The following C12orf42 variants were observed in gnomAD, a reference collection of about 807,000 sequenced individuals.
C12orf42 encodes the protein uncharacterized protein C12orf42.
Under a neutral mutation model 21.6 loss-of-function variants are expected in C12orf42, and 25 were observed. The observed-to-expected ratio is 1.16, with a 90% CI of 0.84 to 1.62. The LOEUF (loss-of-function observed/expected upper bound fraction) is 1.62. Ranked by LOEUF, C12orf42 falls within the 40% of genes most tolerant of loss-of-function variation. The pLI is 0.00. For missense variants in C12orf42, 483 were observed against 459.3 expected, an observed-to-expected ratio of 1.05 and a Z score of -0.47; for synonymous variants, 174 against 175.0, an observed-to-expected ratio of 0.99 and a Z score of 0.05.
At chr12:103,154,062 A>C in the C12orf42 span, among the ~76,000 whole-genome samples, 2 of 147,104 alleles carry the variant, frequency 1.4e-5, no homozygotes, top group Non-Finnish European at 3.0e-5. Context: ...AATGTGGAGG[A>C]AAGAAGCCAG....
the C12orf42 span, among the ~76,000 whole-genome samples, chr12:103,075,132 T>G: frequency 6.6e-6 from 1 of 152,106 alleles, no homozygotes; most frequent in African/African-American, 2.4e-5. Flanking sequence ...GAAAAGGATC[T>G]GAAGCATTAT....
chr12:103,507,049 A>T, the C12orf42 span, among the ~76,000 whole-genome samples: 13 of 8,886 alleles, frequency 1.5e-3, no homozygotes, highest in African/African-American at 9.9e-3. Context: ...TATTTATATA[A>T]AATATATATA....
chr12:103,236,257 G>A (rs543369461), downstream of C12orf42, among the ~76,000 whole-genome samples: 21 of 152,232 alleles, frequency 1.4e-4, no homozygotes, highest in South Asian at 2.1e-4. Context: ...ATGCTTAAGC[G>A]TAAAACTGAG....
At chr12:103,522,857 A>C in the C12orf42 span, among the ~76,000 whole-genome samples, 1 of 152,240 alleles carries the variant, frequency 6.6e-6, no homozygotes, top group Non-Finnish European at 1.5e-5. Flanking sequence ...TGATGGCAGA[A>C]GAAATTACAC....
chr12:103,146,072 A>G, the C12orf42 span, among the ~76,000 whole-genome samples: 4 of 152,132 alleles, frequency 2.6e-5, no homozygotes, highest in African/African-American at 9.7e-5. Flanking sequence ...TTATGCTTTT[A>G]CTTGTGTTTT....
chr12:103,086,574 A>G, the C12orf42 span, among the ~76,000 whole-genome samples: 1 of 150,548 alleles, frequency 6.6e-6, no homozygotes, highest in Non-Finnish European at 1.5e-5. Context: ...TGAAGTTTTG[A>G]GGGATTGACT....
At chr12:103,458,525 A>G (rs929494811) in intron 2 of C12orf42, among the ~76,000 whole-genome samples, 6 of 152,162 alleles carry the variant, frequency 3.9e-5, no homozygotes, top group African/African-American at 1.2e-4. Flanking sequence ...AGATAAAAAT[A>G]TCTACCTGAA....
At chr12:103,225,068 T>G in the C12orf42 span, among the ~76,000 whole-genome samples, 5 of 152,118 alleles carry the variant, frequency 3.3e-5, no homozygotes, top group Admixed American at 6.5e-5. Context: ...CTAGGTAATT[T>G]GCTGAGCCTA....
intron 5 of C12orf42, among the ~76,000 whole-genome samples, chr12:103,275,573 A>C (rs2035716933): frequency 6.6e-6 from 1 of 152,154 alleles, no homozygotes; most frequent in Non-Finnish European, 1.5e-5. Context: ...AAAGCAGCCC[A>C]ATTCCTTTTA....
rs112187254 is a variant in C12orf42 at position 103,382,204 on chromosome 12, A to G, written c.148-13206T>C. 7.5e-3 allele frequency among the ~76,000 whole-genome samples: 1,142 copies of G among 152,256 alleles called. 14 individuals are homozygous for G. The highest frequency in any genetic ancestry group is 0.026 in the African/African-American group (1,068 of 41,534). ...TTTTCTATCCTCATGAAAAATTAGT[A>G]ATTCTCTTTCTACTTTGGCCAAATG... On this transcript the variant is annotated intron_variant, in intron 3 of 5. Transcript: ENST00000548883.
At chr12:103,393,727 C>T (rs1439505216) in intron 3 of C12orf42, among the ~76,000 whole-genome samples, 1 of 152,082 alleles carries the variant, frequency 6.6e-6, no homozygotes, top group African/African-American at 2.4e-5. Flanking sequence ...ATATATTGCA[C>T]TTAATACAAT....
At position 103,302,360 on chromosome 12, in the gene C12orf42, C is replaced by T. The variant is rs754315966; in HGVS notation, c.831G>A (p.Ala277=). The stretch of plus-strand genomic sequence containing the variant: ...GGAGCATCTCCGGCGCCATGGCAAC[C>T]GCGCCTTTTCCGACGGGATTTCCGG... ...GASGNPVGKG[A]VAMAPEMLPK... is the part of the protein sequence containing the mutation. Residue 277 remains alanine (A), a synonymous_variant, in exon 6 of 6, where the codon GCG becomes GCA. Transcript: ENST00000548883. 15 of 1,613,834 alleles carry T rather than the reference C, an allele frequency of 9.3e-6. No homozygotes were observed. In the Admixed American group the frequency reaches 2.0e-4, roughly 22 times the overall value.
intron 4 of C12orf42, among the ~76,000 whole-genome samples, chr12:103,345,981 T>C (rs1421094321): frequency 6.6e-6 from 1 of 152,228 alleles, no homozygotes; most frequent in East Asian, 1.9e-4. Flanking sequence ...ATAAGTTTTG[T>C]CAAGTTATGG....
chr12:103,552,784 T>C, the C12orf42 span, among the ~76,000 whole-genome samples: 2 of 152,114 alleles, frequency 1.3e-5, no homozygotes, highest in Non-Finnish European at 2.9e-5. Flanking sequence ...GAGTAATTTA[T>C]AAAGAAAAGA....
chr12:103,394,904 CAAGGTCATTCCAG>C (rs2047386634), intron 3 of C12orf42, among the ~76,000 whole-genome samples: 1 of 152,282 alleles, frequency 6.6e-6, no homozygotes, highest in East Asian at 1.9e-4. Context: ...CAGAGAAAAG[CAAGGTCATTCCAG>C]GAACAGCAAC....
chr12:103,363,127 C>T lies in C12orf42; in HGVS notation c.259+5760G>A, dbSNP rs142938373. Among the ~76,000 whole-genome samples the T allele has an allele frequency of 6.4e-3, 968 of 152,258 alleles. 5 individuals carry two copies. Among genetic ancestry groups the T allele is most frequent in the Middle Eastern group, 0.014 (4 of 294 alleles). ...CACCAGGTACCCTATGAAGGAAAAC[C>T]TGTCAGATTAACAGCGGATTTCTCA... On this transcript the variant is annotated intron_variant, in intron 4 of 5. Coordinates refer to ENST00000548883, the MANE Select transcript of C12orf42 (RefSeq NM_198521.5).
At chr12:103,118,235 T>C in the C12orf42 span, among the ~76,000 whole-genome samples, 10 of 152,226 alleles carry the variant, frequency 6.6e-5, no homozygotes. Context: ...GATGTCTTTC[T>C]ATCTCCGGTG....
intron 4 of C12orf42, among the ~76,000 whole-genome samples, chr12:103,343,272 C>T (rs2042313327): frequency 6.6e-6 from 1 of 152,088 alleles, no homozygotes; most frequent in African/African-American, 2.4e-5. Context: ...TGATTAACTA[C>T]TTTTTTGCCC....
At chr12:103,546,555 G>A in the C12orf42 span, among the ~76,000 whole-genome samples, 2 of 152,152 alleles carry the variant, frequency 1.3e-5, no homozygotes, top group South Asian at 4.1e-4. Context: ...GGGAAAAATA[G>A]AACCTCAGTC....
Sources: allele counts gnomAD v4.1 joint callset (sites outside exome capture counted in the v4.1 genomes callset), GRCh38; gene constraint gnomAD v4.1.1; transcripts MANE v1.5; gene names NCBI Gene and HGNC (gene_info 2026-07-23, HGNC 2026-07-21).